Variants in ANO9 observed in about 807,000 individuals in gnomAD.
ANO9 encodes the protein anoctamin-9.
In ANO9, 80 loss-of-function variants were observed where a neutral mutation model predicts 100.5. That is an observed-to-expected ratio of 0.80 (90% CI 0.66 to 0.96). ANO9 has a LOEUF of 0.96. Ranked by LOEUF, ANO9 falls within the 40% of genes least tolerant of loss-of-function variation. The pLI, the probability that ANO9 is intolerant of heterozygous loss-of-function variation, is 0.00. For synonymous variants in ANO9, 473 were observed against 435.6 expected, an observed-to-expected ratio of 1.09 and a Z score of -1.07; for missense variants, 1,064 against 1,072.7, an observed-to-expected ratio of 0.99 and a Z score of 0.11.
intron 10 of ANO9, 28 bp downstream of exon 10, chr11:429,730 C>T (rs1848769763): frequency 3.1e-6 from 5 of 1,611,618 alleles, no homozygotes; most frequent in South Asian, 1.1e-5. Context: ...TTCCCCTGGC[C>T]CCGCAGAGGC....
At chr11:441,639 A>G (rs1055105626) in intron 1 of ANO9, among the ~76,000 whole-genome samples, 2 of 152,106 alleles carry the variant, frequency 1.3e-5, no homozygotes, top group Non-Finnish European at 2.9e-5. Context: ...GGCCCCACAC[A>G]CTAGCTGAGA....
chr11:435,217 T>A (rs1460489918), intron 1 of ANO9, among the ~76,000 whole-genome samples: 1 of 151,854 alleles, frequency 6.6e-6, no homozygotes, highest in East Asian at 1.9e-4. Context: ...TAGCATAGGG[T>A]AGCATAGGGT....
rs1301585720 is a variant in ANO9, at chr11:420,469, C to A, written c.1780G>T (p.Asp594Tyr). The change falls in exon 19 of 23, where the codon GAC becomes TAC. Residue 594 changes from aspartate (D) to tyrosine (Y), a missense_variant. Asp to Tyr is a radical substitution (Grantham distance 160). Transcript: ENST00000332826. ...TGCGCCCGCCCGGTCTGACCGATGTCCTTGGCCTTGCGCGGCACCAGGCGC... is the reference window on the plus strand; with the variant it reads ...TGCGCCCGCCCGGTCTGACCGATGTACTTGGCCTTGCGCGGCACCAGGCGC... ...QRRLVPRKAK[D>Y]IGTWLQVLET... 6.2e-7 allele frequency: 1 copy of A among 1,602,352 alleles called. No homozygotes were observed. Among genetic ancestry groups the A allele is most frequent in the Non-Finnish European group, 8.5e-7 (1 of 1,179,416 alleles).
rs1030378911 is a variant in ANO9, at chr11:422,833, T to A, written c.1335-1635A>T. ...AATCTTAAGCCAAGTCCCACAGAAT[T>A]TTTTTTTTTTTTTTCAGACAGAGTC... On this transcript the variant is annotated intron_variant, in intron 15 of 22. Coordinates refer to ENST00000332826, the MANE Select transcript of ANO9 (RefSeq NM_001012302.3). This position sits in a 1 kb window ranked among gnomAD's most constrained non-coding sequence, Gnocchi z 4.3. Among the ~76,000 whole-genome samples, 1 of 141,724 alleles carries A rather than the reference T, an allele frequency of 7.1e-6. No homozygotes were observed. Among genetic ancestry groups the A allele is most frequent in the East Asian group, 2.0e-4 (1 of 5,096 alleles). The allele number at this position is 141,724 out of a possible 152,430, so 93.0% of individuals were successfully genotyped here.
At position 431,745 on chromosome 11, in the gene ANO9, GTCT is replaced by G. The variant is rs757967002; in HGVS notation, c.485_487del (p.Lys162del). The G allele has an allele frequency of 2.1e-5, 34 of 1,612,522 alleles. No homozygotes were observed. Among genetic ancestry groups the G allele is most frequent in the Non-Finnish European group, 2.6e-5 (31 of 1,179,576 alleles). ...GAACATGTGTCTCCACCGCGCCCAC[GTCT>G]TCTTCAGGCGTCCCTCCCCCTGGCT... On this transcript the variant is annotated inframe_deletion, in exon 7 of 23. Transcript: ENST00000332826.
At position 429,973 on chromosome 11, in the gene ANO9, G is replaced by C. The variant is rs1848789761; in HGVS notation, c.771+110C>G. On this transcript the variant is annotated intron_variant, in intron 9 of 22. Transcript: ENST00000332826. ...GCTGGGCCTCCCCGTCAGCCCTGTGGGGAAAGCTGAGCAGCTCTGCAGGGC... is the reference window on the plus strand; with the variant it reads ...GCTGGGCCTCCCCGTCAGCCCTGTGCGGAAAGCTGAGCAGCTCTGCAGGGC... 6 of 1,398,850 alleles carry C rather than the reference G, an allele frequency of 4.3e-6. No individual in the cohort carries two copies. The South Asian group carries it at 7.4e-5, about 17-fold the overall frequency. The allele number at this position is 1,398,850 out of a possible 1,614,324, so 86.7% of individuals were successfully genotyped here.
intron 1 of ANO9, among the ~76,000 whole-genome samples, chr11:435,455 G>T (rs1321318858): frequency 3.2e-5 from 3 of 93,874 alleles, no homozygotes; most frequent in Non-Finnish European, 6.6e-5. Flanking sequence ...TATAGCATAG[G>T]ATAGCATAGT....
At chr11:437,378 A>T (rs1845444725) in intron 1 of ANO9, among the ~76,000 whole-genome samples, 1 of 152,172 alleles carries the variant, frequency 6.6e-6, no homozygotes, top group South Asian at 2.1e-4. Flanking sequence ...CTGAGCACCC[A>T]GTGCCACACT....
At position 431,409 on chromosome 11, in the gene ANO9, G is replaced by C. The variant is rs1433104181; in HGVS notation, c.539+285C>G. 7.9e-5 allele frequency among the ~76,000 whole-genome samples: 9 copies of C among 113,290 alleles called. No individual in the cohort carries two copies. The South Asian group carries it at 1.7e-3, about 21-fold the overall frequency. 74.3% of individuals were successfully genotyped at this position (113,290 alleles called of 152,430 possible). A position where few individuals can be genotyped will look rare whatever the true frequency, so the allele number is the denominator to read the frequency against. ...GGTATCTGGGGGCGTCTGCGGGGATGTGGGGGCGTCCGCGGGTATCTGGGG... is the reference window on the plus strand; with the variant it reads ...GGTATCTGGGGGCGTCTGCGGGGATCTGGGGGCGTCCGCGGGTATCTGGGG... On this transcript the variant is annotated intron_variant, in intron 7 of 22. Transcript: ENST00000332826.
chr11:441,872 C>A (rs766783406), intron 1 of ANO9, 49 bp downstream of exon 1: 25 of 1,593,732 alleles, frequency 1.6e-5, no homozygotes, highest in Admixed American at 1.2e-4. Context: ...CAGGTGTGGG[C>A]GTGGCTGGGG....
In ANO9 at chr11:427,559, C is replaced by T. The variant is rs375740111; in HGVS notation, c.1334+529G>A. ...CCAGCCTGGGTAACACGGTGAGACC[C>T]CATTTCTACAAAAAATATTAAAATT... On this transcript the variant is annotated intron_variant, in intron 15 of 22. Coordinates refer to ENST00000332826, the MANE Select transcript of ANO9 (RefSeq NM_001012302.3). 4.6e-5 allele frequency among the ~76,000 whole-genome samples: 7 copies of T among 151,900 alleles called. No individual in the cohort carries two copies. In the East Asian group the frequency reaches 9.7e-4, roughly 21 times the overall value.
In ANO9 at chr11:433,851, G is replaced by A. The variant is rs1170611975; in HGVS notation, c.168C>T (p.Phe56=). The A allele has an allele frequency of 6.4e-7, 1 of 1,563,382 alleles. No homozygotes were observed. The part of the protein sequence containing the change: ...RDPRQARQQQ[F]LEELRRKGFH... ...AGCCCTTTCTCCTGAGCTCCTCCAG[G>A]AACTGTTGCTGCCGCGCCTGCCGGG... Residue 56 remains phenylalanine (F), a synonymous_variant, in exon 3 of 23, where the codon TTC becomes TTT. Transcript: ENST00000332826.
rs751198780 is a variant in ANO9 at position 430,049 on chromosome 11, C to T, written c.771+34G>A. The T allele has an allele frequency of 7.9e-5, 122 of 1,542,580 alleles. No homozygotes were observed. The African/African-American group carries it at 8.4e-4, about 11-fold the overall frequency. On this transcript the variant is annotated intron_variant, in intron 9 of 22. Coordinates refer to ENST00000332826, the MANE Select transcript of ANO9 (RefSeq NM_001012302.3). Reference sequence around the variant, plus strand: ...GGGTGGATGCACCGTTCCCATCTTCCGCAGGCCCTGGGGTGGACCCGGAGG... The same window carrying T: ...GGGTGGATGCACCGTTCCCATCTTCTGCAGGCCCTGGGGTGGACCCGGAGG...
chr11:433,793 C>T, intron 3 of ANO9, 22 bp downstream of exon 3: 2 of 1,550,678 alleles, frequency 1.3e-6, no homozygotes, highest in Non-Finnish European at 1.7e-6. Context: ...ATGGCCCTGC[C>T]CCTCGCTGGG....
chr11:418,019 A>C lies in ANO9; in HGVS notation c.*352T>G. 1 of 294,910 alleles carries C rather than the reference A, an allele frequency of 3.4e-6. No homozygotes were observed. Among genetic ancestry groups the C allele is most frequent in the Non-Finnish European group, 6.4e-6 (1 of 157,342 alleles). 18.3% of individuals were successfully genotyped at this position (294,910 alleles called of 1,614,324 possible). ...TGGGCTCAGGACACCCCCAACAGCC[A>C]GGATGGGGGCACGGCAGGATCTGGC... On this transcript the variant is annotated 3_prime_UTR_variant, in exon 23 of 23. Coordinates refer to ENST00000332826, the MANE Select transcript of ANO9 (RefSeq NM_001012302.3).
At chr11:438,083 A>C (rs1352451297) in intron 1 of ANO9, among the ~76,000 whole-genome samples, 2 of 152,080 alleles carry the variant, frequency 1.3e-5, no homozygotes, top group African/African-American at 4.8e-5. Flanking sequence ...TGAGGCACAG[A>C]AACCCCCTCC....
intron 1 of ANO9, among the ~76,000 whole-genome samples, chr11:436,217 G>A (rs528847172): frequency 2.0e-4 from 31 of 151,984 alleles, no homozygotes; most frequent in Middle Eastern, 3.4e-3. Context: ...ACAGGCATGC[G>A]CCACCACGCC....
At chr11:437,524 C>G (rs1845457840) in intron 1 of ANO9, among the ~76,000 whole-genome samples, 1 of 152,254 alleles carries the variant, frequency 6.6e-6, no homozygotes, top group Non-Finnish European at 1.5e-5. Context: ...GCCTTCCCGA[C>G]AGCCCACGGA....
intron 19 of ANO9, 137 bp downstream of exon 19, chr11:420,326 T>A: frequency 6.8e-7 from 1 of 1,462,530 alleles, no homozygotes; most frequent in Non-Finnish European, 9.0e-7. Flanking sequence ...TCCGAGGCCG[T>A]CGGAGAAGGG....
Sources: allele counts gnomAD v4.1 joint callset (sites outside exome capture counted in the v4.1 genomes callset), GRCh38; gene constraint gnomAD v4.1.1; non-coding constraint Gnocchi (gnomAD v3.1); transcripts MANE v1.5; gene names NCBI Gene and HGNC (gene_info 2026-07-23, HGNC 2026-07-21).